Variants in KIF3B observed in about 807,000 individuals in gnomAD.
KIF3B encodes the protein kinesin family member 3B.
KIF3B carries 38 observed loss-of-function variants against 74.3 expected under a neutral mutation model. The observed-to-expected ratio is 0.51, with a 90% confidence interval of 0.39 to 0.67. The LOEUF (loss-of-function observed/expected upper bound fraction) is 0.67. Ranked by LOEUF, KIF3B falls within the 30% of genes least tolerant of loss-of-function variation. The probability of loss-of-function intolerance (pLI) is 0.00; values close to 1 mark genes in which losing one functional copy is unlikely to be tolerated. For missense variants in KIF3B, 649 were observed against 932.0 expected, an observed-to-expected ratio of 0.70 and a Z score of 3.95; for synonymous variants, 326 against 342.5, an observed-to-expected ratio of 0.95 and a Z score of 0.53.
In KIF3B at chr20:32,332,416, C is replaced by G. The variant is rs757660682; in HGVS notation, c.*1097C>G. On this transcript the variant is annotated 3_prime_UTR_variant, in exon 9 of 9. Transcript: ENST00000375712. Reference sequence around the variant, plus strand: ...ACATAACAGATGGAAGCAAAGGAATCCTGCCTGCCTTCAGCAGAGAATTCA... The same window carrying G: ...ACATAACAGATGGAAGCAAAGGAATGCTGCCTGCCTTCAGCAGAGAATTCA... The G allele has an allele frequency of 1.3e-5, 2 of 152,292 alleles. No homozygotes were observed. The highest frequency in any genetic ancestry group is 2.4e-5 in the African/African-American group (1 of 41,460). 9.4% of individuals were successfully genotyped at this position (152,292 alleles called of 1,614,324 possible). A position where few individuals can be genotyped will look rare whatever the true frequency, so the allele number is the denominator to read the frequency against.
chr20:32,327,021 A>C (rs1349591826), intron 6 of KIF3B, 137 bp downstream of exon 6: 1 of 560,026 alleles, frequency 1.8e-6, no homozygotes, highest in Non-Finnish European at 3.2e-6. Context: ...CCACTGCATT[A>C]CTGATTTTCT....
intron 1 of KIF3B, among the ~76,000 whole-genome samples, chr20:32,296,602 A>G (rs2047718403): frequency 6.6e-6 from 1 of 151,094 alleles, no homozygotes; most frequent in African/African-American, 2.4e-5. Flanking sequence ...GGTCTGAAGA[A>G]AAAAAAAAGG....
intron 2 of KIF3B, among the ~76,000 whole-genome samples, chr20:32,313,826 G>A (rs1293599158): frequency 1.3e-5 from 2 of 152,080 alleles, no homozygotes; most frequent in Non-Finnish European, 2.9e-5. Flanking sequence ...TCCCACCTCA[G>A]CCTTCGAGTA....
At chr20:32,302,895 T>C (rs937121318) in intron 1 of KIF3B, among the ~76,000 whole-genome samples, 2 of 152,190 alleles carry the variant, frequency 1.3e-5, no homozygotes, top group African/African-American at 4.8e-5. Context: ...AAAATTCTAA[T>C]AGCATGTAGA....
rs575240106 is a variant in KIF3B at position 32,309,284 on chromosome 20, C to G, written c.-65-429C>G. On this transcript the variant is annotated intron_variant, in intron 1 of 8. Transcript: ENST00000375712. The stretch of plus-strand genomic sequence containing the variant: ...CTGTACTCAAGTGATCCTCTGGCTT[C>G]AGCCTCCTAAAATGCTGGGATTACA... 6.0e-5 allele frequency among the ~76,000 whole-genome samples: 9 copies of G among 150,536 alleles called. No individual in the cohort carries two copies. In the East Asian group the frequency reaches 1.8e-3, roughly 29 times the overall value.
rs900706780 is a variant in KIF3B, at chr20:32,309,114, T to C, written c.-65-599T>C. Among the ~76,000 whole-genome samples the C allele has an allele frequency of 1.1e-4, 17 of 151,884 alleles. 1 individual carries two copies. The South Asian group carries it at 3.3e-3, about 30-fold the overall frequency. Reference sequence around the variant, plus strand: ...TTACTGTACCCTCAACCTCCTGGGCTCAAGCAGTCCTCCCATCTCAGCTTC... The same window carrying C: ...TTACTGTACCCTCAACCTCCTGGGCCCAAGCAGTCCTCCCATCTCAGCTTC... On this transcript the variant is annotated intron_variant, in intron 1 of 8. Coordinates refer to ENST00000375712, the MANE Select transcript of KIF3B (RefSeq NM_004798.4).
intron 2 of KIF3B, 91 bp downstream of exon 2, chr20:32,311,272 T>C: frequency 7.5e-7 from 1 of 1,339,652 alleles, no homozygotes; most frequent in Non-Finnish European, 1.0e-6. Context: ...ATATGAGGGA[T>C]GATGTCTCTC....
Position 32,334,390 on chromosome 20 carries a change from G to A in KIF3B, c.*3071G>A, listed in dbSNP as rs2047945639. The A allele has an allele frequency of 6.6e-6, 1 of 152,632 alleles. No homozygotes were observed. Among genetic ancestry groups the A allele is most frequent in the African/African-American group, 2.4e-5 (1 of 41,434 alleles). The allele number at this position is 152,632 out of a possible 1,614,324, so 9.5% of individuals were successfully genotyped here. ...CACCTCCATGACCAAGGGCGCCAGAGTGCTGCAACTGGGGCGTGGGCCGCT... is the reference window on the plus strand; with the variant it reads ...CACCTCCATGACCAAGGGCGCCAGAATGCTGCAACTGGGGCGTGGGCCGCT... On this transcript the variant is annotated 3_prime_UTR_variant, in exon 9 of 9. Coordinates refer to ENST00000375712, the MANE Select transcript of KIF3B (RefSeq NM_004798.4).
At chr20:32,286,540 T>C (rs990380627) in intron 1 of KIF3B, among the ~76,000 whole-genome samples, 3 of 152,200 alleles carry the variant, frequency 2.0e-5, no homozygotes, top group Admixed American at 1.3e-4. Context: ...TGTTTTTCCT[T>C]ATTCTTCAAT....
In KIF3B at chr20:32,309,760, A is replaced by G; in HGVS notation, c.-18A>G. 6.3e-7 allele frequency: 1 copy of G among 1,598,242 alleles called. No individual in the cohort carries two copies. The highest frequency in any genetic ancestry group is 8.5e-7 in the Non-Finnish European group (1 of 1,171,748). On this transcript the variant is annotated 5_prime_UTR_variant, in exon 2 of 9. Transcript: ENST00000375712. ...TTGAATTGACACTTCTCAAGATTTG[A>G]CTGGATCAGAGTTCATCATGTCAAA...
At chr20:32,322,756 ATT>A (rs1569207762) in intron 5 of KIF3B, among the ~76,000 whole-genome samples, 2 of 39,172 alleles carry the variant, frequency 5.1e-5, no homozygotes, top group African/African-American at 3.8e-4. Flanking sequence ...TTATATATAT[ATT>A]TATATATATT....
intron 1 of KIF3B, among the ~76,000 whole-genome samples, chr20:32,297,923 C>G (rs1417085065): frequency 6.6e-6 from 1 of 151,904 alleles, no homozygotes; most frequent in East Asian, 1.9e-4. Context: ...GCCTGACCAA[C>G]ATGGAGAAAC....
chr20:32,299,940 A>C (rs1569194912), intron 1 of KIF3B, among the ~76,000 whole-genome samples: 2 of 149,394 alleles, frequency 1.3e-5, no homozygotes, highest in Non-Finnish European at 1.5e-5. Context: ...GGCATGTGTC[A>C]TCACGCCTGG....
In KIF3B at chr20:32,334,642, C is replaced by G. The variant is rs2122727066; in HGVS notation, c.*3323C>G. The G allele has an allele frequency of 6.6e-6, 1 of 152,462 alleles. No individual in the cohort carries two copies. Among genetic ancestry groups the G allele is most frequent in the Admixed American group, 6.5e-5 (1 of 15,292 alleles). The allele number at this position is 152,462 out of a possible 1,614,324, so 9.4% of individuals were successfully genotyped here. ...CTCTAAAAGCCATACTAAAAATGCT[C>G]TGAGGGAACTGGCTAAGAATAGTGG... is the stretch of plus-strand genomic sequence containing the variant. On this transcript the variant is annotated 3_prime_UTR_variant, in exon 9 of 9. Coordinates refer to ENST00000375712, the MANE Select transcript of KIF3B (RefSeq NM_004798.4).
chr20:32,290,425 T>A (rs2047685936), intron 1 of KIF3B, among the ~76,000 whole-genome samples: 1 of 151,754 alleles, frequency 6.6e-6, no homozygotes, highest in Non-Finnish European at 1.5e-5. Flanking sequence ...TGGGTTTCAG[T>A]CCCAGGTGTG....
At chr20:32,293,164 A>G (rs972032377) in intron 1 of KIF3B, among the ~76,000 whole-genome samples, 12 of 152,006 alleles carry the variant, frequency 7.9e-5, no homozygotes, top group African/African-American at 2.9e-4. Context: ...TGAGGTGGGA[A>G]GATTGCTTGA....
chr20:32,312,092 C>T (rs998458865), intron 2 of KIF3B, among the ~76,000 whole-genome samples: 22 of 149,186 alleles, frequency 1.5e-4, no homozygotes, highest in Non-Finnish European at 2.1e-4. Flanking sequence ...CGTGAGCCAC[C>T]GTGTCCGGCT....
Position 32,332,350 on chromosome 20 carries a change from C to T in KIF3B, c.*1031C>T, listed in dbSNP as rs2047934486. ...GAGCAGAAGAGTAGCTAGGCAGATGCAGAGATGGAGACATGAGACTCAGTG... is the reference window on the plus strand; with the variant it reads ...GAGCAGAAGAGTAGCTAGGCAGATGTAGAGATGGAGACATGAGACTCAGTG... On this transcript the variant is annotated 3_prime_UTR_variant, in exon 9 of 9. Coordinates refer to ENST00000375712, the MANE Select transcript of KIF3B (RefSeq NM_004798.4). 6.6e-6 allele frequency: 1 copy of T among 152,292 alleles called. No individual in the cohort carries two copies. The highest frequency in any genetic ancestry group is 1.5e-5 in the Non-Finnish European group (1 of 68,112). The allele number at this position is 152,292 out of a possible 1,614,324, so 9.4% of individuals were successfully genotyped here. A position where few individuals can be genotyped will look rare whatever the true frequency, so the allele number is the denominator to read the frequency against.
chr20:32,289,197 GT>G (rs36069389), intron 1 of KIF3B, among the ~76,000 whole-genome samples: 39,539 of 126,718 alleles, frequency 0.31, 4,961 homozygotes, highest in East Asian at 0.63. Context: ...TACTGGTCTG[GT>G]TTTTTTTTTT....
Sources: allele counts gnomAD v4.1 joint callset (sites outside exome capture counted in the v4.1 genomes callset), GRCh38; gene constraint gnomAD v4.1.1; transcripts MANE v1.5; gene names NCBI Gene and HGNC (gene_info 2026-07-23, HGNC 2026-07-21).